The following TMLHE variants were observed in gnomAD, a reference collection of about 807,000 sequenced individuals.
TMLHE encodes trimethyllysine dioxygenase, mitochondrial.
Under a neutral mutation model 25.7 loss-of-function variants are expected in TMLHE, and 18 were observed. The observed-to-expected ratio is 0.70, with a 90% CI of 0.48 to 1.04. The LOEUF is 1.04. Among genes scored for constraint, TMLHE ranks in the 50% least tolerant of loss-of-function variants. TMLHE has a pLI of 0.00. For missense variants in TMLHE, 236 were observed against 259.0 expected (o/e 0.91, Z 0.61); for synonymous variants, 105 against 97.0 (o/e 1.08, Z -0.49).
intron 2 of TMLHE, among the ~76,000 whole-genome samples, chrX:155,542,100 T>C (rs782189326): frequency 9.0e-6 from 1 of 111,606 alleles, no homozygotes; most frequent in African/African-American, 3.3e-5. Context: ...TTTGGTGCTT[T>C]AGTCATGAAG....
rs1250198287 is a variant in TMLHE, at chrX:155,545,206, G to A, written c.71C>T (p.Pro24Leu). ...TTTGAAGTTGGGCTGTGGAAGGGCCGGATATATGACTCCTCCCTTCAGCAA... is the reference window on the plus strand; with the variant it reads ...TTTGAAGTTGGGCTGTGGAAGGGCCAGATATATGACTCCTCCCTTCAGCAA... ...QDLLKGGVIY[P>L]ALPQPNFKSL... The change falls in exon 2 of 8, where the codon CCG (proline) becomes CTG (leucine). Residue 24 changes from proline (P) to leucine (L), a missense_variant. Pro to Leu is a moderately conservative substitution (Grantham distance 98). Transcript: ENST00000334398. The A allele has an allele frequency of 7.4e-6, 9 of 1,208,341 alleles. No individual in the cohort carries two copies. Among genetic ancestry groups the A allele is most frequent in the Middle Eastern group, 2.3e-4 (1 of 4,293 alleles).
intron 1 of TMLHE, among the ~76,000 whole-genome samples, chrX:155,547,170 A>C (rs1224995946): frequency 9.7e-6 from 1 of 103,087 alleles, no homozygotes; most frequent in Non-Finnish European, 2.0e-5. Context: ...TTTGAGACGG[A>C]GTCTTGCTCT....
At chrX:155,505,049 T>C (rs782535388) in intron 6 of TMLHE, among the ~76,000 whole-genome samples, 7 of 112,003 alleles carry the variant, frequency 6.2e-5, no homozygotes, top group Non-Finnish European at 1.1e-4. Context: ...TAAGCAAATA[T>C]TGAACTCTAC....
At chrX:155,535,822 A>G (rs2067275907) in intron 2 of TMLHE, among the ~76,000 whole-genome samples, 1 of 111,930 alleles carries the variant, frequency 8.9e-6, no homozygotes, top group African/African-American at 3.2e-5. Flanking sequence ...TCCCATTACA[A>G]TAAAGACCAA....
chrX:155,525,424 T>G (rs1359841149), intron 2 of TMLHE, among the ~76,000 whole-genome samples: 1 of 112,195 alleles, frequency 8.9e-6, no homozygotes, highest in Non-Finnish European at 1.9e-5. Flanking sequence ...GTGAGTCAAT[T>G]AAACCTCTTT....
intron 1 of TMLHE, among the ~76,000 whole-genome samples, chrX:155,548,509 G>A (rs1557339299): frequency 2.7e-5 from 3 of 109,917 alleles, no homozygotes; most frequent in Non-Finnish European, 5.7e-5. Flanking sequence ...GTCAAGGCGG[G>A]CGGATCACAA....
chrX:155,530,980 CAGA>C (rs1442095886), intron 2 of TMLHE, among the ~76,000 whole-genome samples: 1 of 112,121 alleles, frequency 8.9e-6, no homozygotes, highest in African/African-American at 3.2e-5. Context: ...AACAACAGAC[CAGA>C]AGAACAGGCA....
At chrX:155,522,014 A>G (rs113894803) in intron 3 of TMLHE, among the ~76,000 whole-genome samples, 1,859 of 110,162 alleles carry the variant, frequency 0.017, 52 homozygotes, top group African/African-American at 0.059. Flanking sequence ...TGTACACCGG[A>G]GCTGTTCCTA....
intron 1 of TMLHE, among the ~76,000 whole-genome samples, chrX:155,594,064 G>A (rs1557346279): frequency 9.0e-6 from 1 of 111,693 alleles, no homozygotes; most frequent in African/African-American, 3.3e-5. Context: ...GGGGGAAGAT[G>A]CCAAAAGTCT....
intron 1 of TMLHE, among the ~76,000 whole-genome samples, chrX:155,573,732 A>G (rs1429528000): frequency 2.0e-5 from 1 of 50,656 alleles, no homozygotes; most frequent in African/African-American, 4.7e-5. Context: ...CTATCACAAG[A>G]ACAAAAAACC....
chrX:155,604,395 G>C (rs1240723534), intron 1 of TMLHE, among the ~76,000 whole-genome samples: 1 of 107,558 alleles, frequency 9.3e-6, no homozygotes, highest in Non-Finnish European at 1.9e-5. Context: ...TTCATCACCA[G>C]GCAGGGCTCC....
chrX:155,576,739 C>T (rs782739822), intron 1 of TMLHE, among the ~76,000 whole-genome samples: 9 of 111,712 alleles, frequency 8.1e-5, no homozygotes, highest in Non-Finnish European at 1.5e-4. Context: ...ATGAAGTTGA[C>T]AAAAGCAAGC....
At chrX:155,524,809 A>C (rs1215641724) in intron 2 of TMLHE, among the ~76,000 whole-genome samples, 177 bp from the exon 3 acceptor site, 3 of 111,761 alleles carry the variant, frequency 2.7e-5, no homozygotes, top group Non-Finnish European at 5.6e-5. Flanking sequence ...AAAATGGTGT[A>C]ATGTTGTATT....
chrX:155,548,511 G>T (rs868989972), intron 1 of TMLHE, among the ~76,000 whole-genome samples: 2 of 108,001 alleles, frequency 1.9e-5, no homozygotes, highest in Non-Finnish European at 3.8e-5. Context: ...CAAGGCGGGC[G>T]GATCACAAGG....
intron 2 of TMLHE, among the ~76,000 whole-genome samples, chrX:155,528,667 T>C (rs2067233246): frequency 8.9e-6 from 1 of 112,161 alleles, no homozygotes. Flanking sequence ...CATTATTTCA[T>C]TCTTTTTTAT....
At position 155,570,556 on chromosome X, in the gene TMLHE, T is replaced by C. The variant is rs191764973; in HGVS notation, c.-1-25279A>G. ...CATTTTTTTTCAGCACCACACCACATCTATTCCAAAATTGACCACATAGTT... is the reference window on the plus strand; with the variant it reads ...CATTTTTTTTCAGCACCACACCACACCTATTCCAAAATTGACCACATAGTT... On this transcript the variant is annotated intron_variant, in intron 1 of 7. Transcript: ENST00000334398. Among the ~76,000 whole-genome samples, 3 of 56,033 alleles carry C rather than the reference T, an allele frequency of 5.4e-5. 1 individual carries two copies. Among genetic ancestry groups the C allele is most frequent in the African/African-American group, 1.3e-4 (3 of 23,269 alleles). The allele number at this position is 56,033 out of a possible 115,157, so 48.7% of individuals were successfully genotyped here. A position where few individuals can be genotyped will look rare whatever the true frequency, so the allele number is the denominator to read the frequency against.
At chrX:155,610,532 C>A (rs1291205197) in intron 1 of TMLHE, among the ~76,000 whole-genome samples, 2 of 111,714 alleles carry the variant, frequency 1.8e-5, no homozygotes, top group Non-Finnish European at 3.8e-5. Flanking sequence ...AGAGAACTTT[C>A]ATCTCCTTAC....
At chrX:155,505,219 G>A (rs1307091158) in intron 6 of TMLHE, among the ~76,000 whole-genome samples, 1 of 111,657 alleles carries the variant, frequency 9.0e-6, no homozygotes, top group East Asian at 2.8e-4. Context: ...GAATCTAGAT[G>A]TAAGTCTATG....
chrX:155,580,980 C>A (rs1291481606), intron 1 of TMLHE, among the ~76,000 whole-genome samples: 2 of 111,883 alleles, frequency 1.8e-5, no homozygotes, highest in African/African-American at 6.5e-5. Flanking sequence ...CCACCATGAT[C>A]AAGTGGGCTT....
Sources: allele counts gnomAD v4.1 joint callset (sites outside exome capture counted in the v4.1 genomes callset), GRCh38; gene constraint gnomAD v4.1.1; transcripts MANE v1.5; gene names NCBI Gene and HGNC (gene_info 2026-07-23, HGNC 2026-07-21).